NCKAP5: variants seen among roughly 807,000 people sequenced by gnomAD.
NCKAP5 encodes the protein nck-associated protein 5.
In NCKAP5, 92 loss-of-function variants were observed where a neutral mutation model predicts 167.0. That is an observed-to-expected ratio of 0.55 (90% CI 0.47 to 0.66). NCKAP5 has a LOEUF of 0.66. Among genes scored for constraint, NCKAP5 ranks in the 30% least tolerant of loss-of-function variants. NCKAP5 has a pLI of 0.00. For missense variants in NCKAP5, 2,378 were observed against 2,315.0 expected (o/e 1.03, Z -0.56); for synonymous variants, 891 against 877.4 (o/e 1.02, Z -0.27).
intron 12 of NCKAP5, among the ~76,000 whole-genome samples, chr2:132,794,366 C>T (rs77294363): frequency 0.18 from 25,335 of 144,210 alleles, 2,816 homozygotes; most frequent in East Asian, 0.28. Flanking sequence ...GGCACAGTGG[C>T]TCACACCTGT....
intron 19 of NCKAP5, among the ~76,000 whole-genome samples, chr2:132,723,138 G>GTTT (rs1165363788): frequency 1.5e-5 from 2 of 133,422 alleles, no homozygotes; most frequent in Admixed American, 7.9e-5. Flanking sequence ...GAGCCAGGTG[G>GTTT]TATTTTTTTT....
At chr2:133,481,388 T>C (rs1050982332) in intron 3 of NCKAP5, among the ~76,000 whole-genome samples, 1 of 152,322 alleles carries the variant, frequency 6.6e-6, no homozygotes, top group African/African-American at 2.4e-5. Flanking sequence ...GTATTTAATG[T>C]GGAGAGATCA....
chr2:133,026,936 C>A (rs781679992), intron 6 of NCKAP5, among the ~76,000 whole-genome samples: 8 of 152,174 alleles, frequency 5.3e-5, no homozygotes, highest in Non-Finnish European at 1.0e-4. Flanking sequence ...TTCTGTCCTG[C>A]TCTATTCCTG....
At chr2:132,869,971 T>C (rs1690676468) in intron 9 of NCKAP5, among the ~76,000 whole-genome samples, 1 of 152,172 alleles carries the variant, frequency 6.6e-6, no homozygotes, top group Admixed American at 6.5e-5. Flanking sequence ...GGGATCTCAT[T>C]TTCTTCAAGT....
intron 3 of NCKAP5, among the ~76,000 whole-genome samples, chr2:133,463,676 T>G (rs1478472770): frequency 6.6e-6 from 1 of 152,242 alleles, no homozygotes; most frequent in Non-Finnish European, 1.5e-5. Context: ...AGTGAGTTTA[T>G]TCCATGTTTC....
chr2:132,771,839 A>ATTTTTTTTTTTTTT (rs70973406), intron 16 of NCKAP5, among the ~76,000 whole-genome samples: 14 of 100,802 alleles, frequency 1.4e-4, no homozygotes, highest in Non-Finnish European at 1.9e-4. Flanking sequence ...CGCCCGGCTA[A>ATTTTTTTTTTTTTT]TTTTTTTTTT....
chr2:133,177,891 G>A (rs1311124858), intron 5 of NCKAP5, among the ~76,000 whole-genome samples: 3 of 152,206 alleles, frequency 2.0e-5, no homozygotes, highest in Non-Finnish European at 4.4e-5. Flanking sequence ...TGGTGTGAGA[G>A]GAGGCCTGGT....
At chr2:133,493,716 A>C (rs1413082418) in intron 3 of NCKAP5, among the ~76,000 whole-genome samples, 3 of 152,222 alleles carry the variant, frequency 2.0e-5, no homozygotes. Context: ...AACATGGTTC[A>C]CTAGTTAGTT....
intron 11 of NCKAP5, among the ~76,000 whole-genome samples, chr2:132,848,584 T>C (rs1688843762): frequency 6.6e-6 from 1 of 152,222 alleles, no homozygotes. Context: ...ATATATCTAT[T>C]ATAAAATATG....
intron 8 of NCKAP5, among the ~76,000 whole-genome samples, chr2:132,944,289 G>A (rs150112798): frequency 1.8e-3 from 279 of 152,304 alleles, no homozygotes; most frequent in African/African-American, 6.0e-3. Context: ...GAATTAGTGG[G>A]AGACAGGCTG....
intron 19 of NCKAP5, among the ~76,000 whole-genome samples, chr2:132,715,696 C>T (rs1224926272): frequency 6.6e-6 from 1 of 152,174 alleles, no homozygotes; most frequent in African/African-American, 2.4e-5. Context: ...GTCTCCCTAA[C>T]ACAGTCTGAC....
intron 6 of NCKAP5, among the ~76,000 whole-genome samples, chr2:133,012,415 G>A (rs963014654): frequency 6.6e-6 from 1 of 152,024 alleles, no homozygotes; most frequent in African/African-American, 2.4e-5. Context: ...GCCTGGCTAA[G>A]TTTTTGTATT....
intron 11 of NCKAP5, among the ~76,000 whole-genome samples, chr2:132,823,275 GA>G (rs1471435067): frequency 1.3e-5 from 2 of 152,120 alleles, no homozygotes; most frequent in African/African-American, 4.8e-5. Flanking sequence ...CAAAACAAGG[GA>G]AAGTATCTTA....
chr2:132,831,050 G>C (rs1687488500), intron 11 of NCKAP5, among the ~76,000 whole-genome samples: 1 of 152,154 alleles, frequency 6.6e-6, no homozygotes, highest in African/African-American at 2.4e-5. Context: ...AAATGGCACA[G>C]TATGATGCAC....
chr2:133,279,379 A>G (rs562015041), intron 4 of NCKAP5, among the ~76,000 whole-genome samples: 2 of 152,350 alleles, frequency 1.3e-5, no homozygotes, highest in African/African-American at 4.8e-5. Context: ...CACTCTCTGC[A>G]TAGAACTGAG....
intron 16 of NCKAP5, among the ~76,000 whole-genome samples, chr2:132,737,157 C>T (rs1045965819): frequency 6.6e-5 from 10 of 152,226 alleles, no homozygotes; most frequent in Middle Eastern, 3.4e-3. Context: ...AACACCAGTC[C>T]CCAGGACAAC....
the NCKAP5 span, among the ~76,000 whole-genome samples, chr2:133,590,750 T>G: frequency 6.6e-6 from 1 of 152,180 alleles, no homozygotes; most frequent in African/African-American, 2.4e-5. Flanking sequence ...CCCTGGTCAT[T>G]TATCTGCAGT....
intron 16 of NCKAP5, among the ~76,000 whole-genome samples, chr2:132,772,750 G>T (rs1322548549): frequency 6.6e-6 from 1 of 152,164 alleles, no homozygotes; most frequent in East Asian, 1.9e-4. Context: ...CGAATGAAAA[G>T]AATAATAATG....
chr2:133,410,069 T>C (rs1688678556), intron 3 of NCKAP5, among the ~76,000 whole-genome samples: 1 of 152,212 alleles, frequency 6.6e-6, no homozygotes, highest in South Asian at 2.1e-4. Flanking sequence ...TGCTTTGATA[T>C]GCAACAATGC....
Sources: allele counts gnomAD v4.1 joint callset (sites outside exome capture counted in the v4.1 genomes callset), GRCh38; gene constraint gnomAD v4.1.1; transcripts MANE v1.5; gene names NCBI Gene and HGNC (gene_info 2026-07-23, HGNC 2026-07-21).